LMX1B: variants seen among roughly 807,000 people sequenced by gnomAD.
The protein encoded by LMX1B is LIM homeobox transcription factor 1 beta.
In LMX1B, 12 loss-of-function variants were observed where a neutral mutation model predicts 51.4. The ratio of observed to expected loss-of-function variants is 0.23; its 90% confidence interval spans 0.15 to 0.38. The LOEUF is 0.38. LMX1B is among the 10% of genes least tolerant of loss of function. LMX1B has a pLI of 1.00. For missense variants in LMX1B, 445 were observed against 571.1 expected (o/e 0.78, Z 2.25); for synonymous variants, 237 against 235.4 (o/e 1.01, Z -0.06).
At position 126,696,366 on chromosome 9, in the gene LMX1B, C is replaced by A. The variant is rs746457595; in HGVS notation, c.1124C>A (p.Ser375Tyr). Reference protein sequence around the residue: ...LTSLSDCFLGSSDVGSLQARV... With the variant: ...LTSLSDCFLGYSDVGSLQARV... ...AGCCTCAGCGACTGCTTCCTCGGCT[C>A]CTCAGACGTGGGCTCCCTGCAGGCC... Residue 375 changes from serine (S) to tyrosine (Y), a missense_variant, in exon 8 of 8, where the codon TCC becomes TAC. Ser to Tyr is a moderately radical substitution (Grantham distance 144). Around this residue, in one of 3 missense-constraint regions of LMX1B, gnomAD observed 162 missense variants for 187.8 expected, o/e 0.86. Transcript: ENST00000373474. 4 of 1,614,008 alleles carry A rather than the reference C, an allele frequency of 2.5e-6. No homozygotes were observed.
rs2030284956 is a variant in LMX1B at position 126,695,275 on chromosome 9, G to GCTC, written c.887-562_887-560dup. ...CCCCCACCCAGCTCGGCACCCCAGG[G>GCTC]CTCCCCATGACCTGTGGTCCCTCTC... On this transcript the variant is annotated intron_variant, in intron 6 of 7. Coordinates refer to ENST00000373474, the MANE Select transcript of LMX1B (RefSeq NM_001174147.2). This position sits in a 1 kb window ranked among gnomAD's most constrained non-coding sequence, Gnocchi z 5.2. 6.6e-6 allele frequency among the ~76,000 whole-genome samples: 1 copy of GCTC among 152,048 alleles called. No individual in the cohort carries two copies. The highest frequency in any genetic ancestry group is 6.5e-5 in the Admixed American group (1 of 15,272).
intron 2 of LMX1B, among the ~76,000 whole-genome samples, chr9:126,669,730 CAT>C (rs1211399143): frequency 1.3e-5 from 2 of 152,084 alleles, no homozygotes; most frequent in Non-Finnish European, 2.9e-5. Context: ...CATGTGTGCA[CAT>C]GTGTTAAGGT....
intron 2 of LMX1B, among the ~76,000 whole-genome samples, chr9:126,620,550 T>A (rs1444706473): frequency 6.6e-6 from 1 of 152,190 alleles, no homozygotes; most frequent in Non-Finnish European, 1.5e-5. Flanking sequence ...AACTGCATTA[T>A]CAGAAAGGGC....
chr9:126,681,978 A>C, intron 2 of LMX1B, among the ~76,000 whole-genome samples: 1 of 140,898 alleles, frequency 7.1e-6, no homozygotes. Flanking sequence ...TCCCTATCTC[A>C]TGTGATCTGT....
At chr9:126,638,464 C>G (rs990396991) in intron 2 of LMX1B, among the ~76,000 whole-genome samples, 3 of 152,228 alleles carry the variant, frequency 2.0e-5, no homozygotes, top group African/African-American at 7.2e-5. Flanking sequence ...GGAGCTGACC[C>G]CGACCCCACC....
At chr9:126,669,235 T>C (rs1836402807) in intron 2 of LMX1B, among the ~76,000 whole-genome samples, 2 of 117,938 alleles carry the variant, frequency 1.7e-5, no homozygotes, top group South Asian at 5.3e-4. Flanking sequence ...AAACAAGGCC[T>C]GGCCGCGAGG....
intron 2 of LMX1B, among the ~76,000 whole-genome samples, chr9:126,652,542 G>A (rs1479998614): frequency 3.3e-5 from 5 of 152,252 alleles, no homozygotes; most frequent in South Asian, 2.1e-4. Context: ...CATGGTCTTC[G>A]TGTGTGCAGG....
At chr9:126,646,852 A>G (rs1421627291) in intron 2 of LMX1B, among the ~76,000 whole-genome samples, 1 of 152,192 alleles carries the variant, frequency 6.6e-6, no homozygotes. Context: ...AGGTACATTG[A>G]ACAACCGGCT....
chr9:126,623,655 G>A (rs937852979), intron 2 of LMX1B, among the ~76,000 whole-genome samples: 4 of 152,172 alleles, frequency 2.6e-5, no homozygotes, highest in Non-Finnish European at 5.9e-5. Context: ...CGGAAGGTGC[G>A]GGCTCTACAT....
chr9:126,696,060 C>CCAGGCAGGCCTGGGGCCAGGA, intron 7 of LMX1B, 57 bp downstream of exon 7: 1 of 1,438,276 alleles, frequency 7.0e-7, no homozygotes, highest in Non-Finnish European at 9.2e-7. Context: ...CCCTGCCAGG[C>CCAGGCAGGCCTGGGGCCAGGA]CAGGCAGGCC....
rs1457285420 is a variant in LMX1B at position 126,615,763 on chromosome 9, C to T, written c.326+194C>T. On this transcript the variant is annotated intron_variant, in intron 2 of 7. Coordinates refer to ENST00000373474, the MANE Select transcript of LMX1B (RefSeq NM_001174147.2). The surrounding 1 kb of genome is among the most constrained non-coding windows in gnomAD (Gnocchi z 6.0). ...CAGCCCAGCGGGCACTGATGGGGTC[C>T]TGGGAGCCTCCGGACGGCCCCCAGT... 6.6e-6 allele frequency among the ~76,000 whole-genome samples: 1 copy of T among 152,154 alleles called. No individual in the cohort carries two copies. Among genetic ancestry groups the T allele is most frequent in the Non-Finnish European group, 1.5e-5 (1 of 68,030 alleles).
At position 126,673,963 on chromosome 9, in the gene LMX1B, G is replaced by A. The variant is rs1164109510; in HGVS notation, c.327-16873G>A. ...AGCTGCCTTGTCTGTCCGTCTGTTT[G>A]GGAGATGCTGGCTGATAGATGGGGA... On this transcript the variant is annotated intron_variant, in intron 2 of 7. Coordinates refer to ENST00000373474, the MANE Select transcript of LMX1B (RefSeq NM_001174147.2). This position sits in a 1 kb window ranked among gnomAD's most constrained non-coding sequence, Gnocchi z 4.4. Among the ~76,000 whole-genome samples, 1 of 152,202 alleles carries A rather than the reference G, an allele frequency of 6.6e-6. No individual in the cohort carries two copies. Among genetic ancestry groups the A allele is most frequent in the East Asian group, 1.9e-4 (1 of 5,196 alleles).
intron 2 of LMX1B, among the ~76,000 whole-genome samples, chr9:126,619,764 G>A (rs1176987881): frequency 6.6e-6 from 1 of 152,118 alleles, no homozygotes; most frequent in East Asian, 1.9e-4. Flanking sequence ...GCTCACCCTC[G>A]ACTCCCCGGG....
intron 2 of LMX1B, among the ~76,000 whole-genome samples, chr9:126,668,443 T>TTTATTATTATTATTA (rs61392859): frequency 0.013 from 1,921 of 146,954 alleles, 56 homozygotes; most frequent in African/African-American, 0.043. Context: ...AGAAGCAGGA[T>TTTATTATTATTATTA]TTATTATTAT....
At chr9:126,667,594 G>A (rs1738335579) in intron 2 of LMX1B, among the ~76,000 whole-genome samples, 1 of 152,222 alleles carries the variant, frequency 6.6e-6, no homozygotes, top group African/African-American at 2.4e-5. Flanking sequence ...TTGAGGGAGG[G>A]GCCGGTGCTA....
At chr9:126,644,143 G>A (rs759859435) in intron 2 of LMX1B, among the ~76,000 whole-genome samples, 18 of 152,188 alleles carry the variant, frequency 1.2e-4, no homozygotes, top group Non-Finnish European at 2.4e-4. Context: ...GTGGGCCCGC[G>A]CTGGTCTCTC....
intron 2 of LMX1B, among the ~76,000 whole-genome samples, chr9:126,645,691 G>C (rs1835887391): frequency 6.6e-6 from 1 of 152,216 alleles, no homozygotes; most frequent in Non-Finnish European, 1.5e-5. Flanking sequence ...CACAAGGAGG[G>C]AGGTCAGGGG....
intron 2 of LMX1B, among the ~76,000 whole-genome samples, chr9:126,689,915 C>T (rs550851066): frequency 2.4e-4 from 37 of 152,322 alleles, no homozygotes; most frequent in Admixed American, 1.0e-3. Flanking sequence ...GGATTAAATG[C>T]GTCTCTGCAT....
rs1452086613 is a variant in LMX1B, at chr9:126,663,443, A to G, written c.327-27393A>G. 5.4e-5 allele frequency among the ~76,000 whole-genome samples: 8 copies of G among 149,348 alleles called. No individual in the cohort carries two copies. In the South Asian group the frequency reaches 1.5e-3, roughly 28 times the overall value. On this transcript the variant is annotated intron_variant, in intron 2 of 7. Transcript: ENST00000373474. ...TTTCTCAAAAAAAAAAAAAAAGAAAAAAAAAAGAATTTTGAGAGCAGAGGG... is the reference window on the plus strand; with the variant it reads ...TTTCTCAAAAAAAAAAAAAAAGAAAGAAAAAAGAATTTTGAGAGCAGAGGG...
Sources: allele counts gnomAD v4.1 joint callset (sites outside exome capture counted in the v4.1 genomes callset), GRCh38; gene constraint gnomAD v4.1.1; regional missense constraint gnomAD v4.1.1; non-coding constraint Gnocchi (gnomAD v3.1); transcripts MANE v1.5; gene names NCBI Gene and HGNC (gene_info 2026-07-23, HGNC 2026-07-21).